ADM2: variants seen among roughly 807,000 people sequenced by gnomAD.
The protein encoded by ADM2 is adrenomedullin 2.
Under a neutral mutation model 7.1 loss-of-function variants are expected in ADM2, and 5 were observed. The ratio of observed to expected loss-of-function variants is 0.71; its 90% CI spans 0.37 to 1.49. The LOEUF (loss-of-function observed/expected upper bound fraction) is 1.49. Ranked by LOEUF, ADM2 falls within the 40% of genes most tolerant of loss-of-function variation. The pLI, the probability that ADM2 is intolerant of heterozygous loss-of-function variation, is 0.03. For missense variants in ADM2, 236 were observed against 211.2 expected, an observed-to-expected ratio of 1.12 and a Z score of -0.73; for synonymous variants, 123 against 92.8, an observed-to-expected ratio of 1.33 and a Z score of -1.87.
chr22:50,482,742 TCGGGCCCCC>T lies in ADM2; in HGVS notation c.287_295del (p.Ser96_Arg99delinsCys). ...CCAACACTCGGGCCCCCGAAGACAC[TCGGGCCCCC>T]GCAGGACCCAAGCCCAGCTCCTGCG... On this transcript the variant is annotated inframe_deletion, in exon 3 of 3. Transcript: ENST00000395737. The T allele has an allele frequency of 1.3e-6, 2 of 1,484,360 alleles. No homozygotes were observed. The highest frequency in any genetic ancestry group is 9.2e-7 in the Non-Finnish European group (1 of 1,083,734). 91.9% of individuals were successfully genotyped at this position (1,484,360 alleles called of 1,614,324 possible). A position where few individuals can be genotyped will look rare whatever the true frequency, so the allele number is the denominator to read the frequency against.
chr22:50,482,942 G>A lies in ADM2; in HGVS notation c.*39G>A. The A allele has an allele frequency of 6.4e-7, 1 of 1,551,232 alleles. No homozygotes were observed. The highest frequency in any genetic ancestry group is 1.2e-5 in the South Asian group (1 of 85,244). On this transcript the variant is annotated 3_prime_UTR_variant, in exon 3 of 3. Coordinates refer to ENST00000395737, the MANE Select transcript of ADM2 (RefSeq NM_001253845.2). The stretch of plus-strand genomic sequence containing the variant: ...CACACCCCTGCCCATCCCAGCCAGG[G>A]TGCTGTGCCCCCGTCCAGAGCTGCA...
At position 50,481,913 on chromosome 22, in the gene ADM2, G is replaced by T. The variant is rs771579421; in HGVS notation, c.66G>T (p.Ser22=). The T allele has an allele frequency of 1.3e-6, 2 of 1,533,242 alleles. No individual in the cohort carries two copies. The highest frequency in any genetic ancestry group is 8.8e-7 in the Non-Finnish European group (1 of 1,142,310). 95.0% of individuals were successfully genotyped at this position (1,533,242 alleles called of 1,614,324 possible). The change falls in exon 2 of 3, where the codon TCG becomes TCT. Residue 22 remains serine (S), a synonymous_variant. Transcript: ENST00000395737. ...TCCTCTGCCTGCAGCTCCCTGGCTC[G>T]CTGTCCCGCAGCCTGGGCGGGGACC... ...ISLLCLQLPG[S]LSRSLGGDPR...
rs1382421067 is a variant in ADM2 at position 50,483,146 on chromosome 22, G to A, written c.*243G>A. 5.6e-6 allele frequency: 4 copies of A among 717,826 alleles called. No individual in the cohort carries two copies. The Admixed American group carries it at 6.1e-5, about 11-fold the overall frequency. 44.5% of individuals were successfully genotyped at this position (717,826 alleles called of 1,614,324 possible). A position where few individuals can be genotyped will look rare whatever the true frequency, so the allele number is the denominator to read the frequency against. On this transcript the variant is annotated 3_prime_UTR_variant, in exon 3 of 3. Transcript: ENST00000395737. ...TGGGGGACAGCTGCCAGACACAGCT[G>A]GCGGCAGCACCAGATGCTAAGCGCT...
Position 50,482,939 on chromosome 22 carries a change from A to G in ADM2, c.*36A>G. 6.4e-7 allele frequency: 1 copy of G among 1,553,350 alleles called. No individual in the cohort carries two copies. Among genetic ancestry groups the G allele is most frequent in the Non-Finnish European group, 8.7e-7 (1 of 1,154,976 alleles). On this transcript the variant is annotated 3_prime_UTR_variant, in exon 3 of 3. Coordinates refer to ENST00000395737, the MANE Select transcript of ADM2 (RefSeq NM_001253845.2). Reference sequence around the variant, plus strand: ...GGCCACACCCCTGCCCATCCCAGCCAGGGTGCTGTGCCCCCGTCCAGAGCT... The same window carrying G: ...GGCCACACCCCTGCCCATCCCAGCCGGGGTGCTGTGCCCCCGTCCAGAGCT...
rs750905960 is a variant in ADM2 at position 50,485,875 on chromosome 22, C to T, written c.*2972C>T. 6.5e-6 allele frequency: 1 copy of T among 152,848 alleles called. No homozygotes were observed. Among genetic ancestry groups the T allele is most frequent in the Admixed American group, 6.5e-5 (1 of 15,278 alleles). 9.5% of individuals were successfully genotyped at this position (152,848 alleles called of 1,614,324 possible). A position where few individuals can be genotyped will look rare whatever the true frequency, so the allele number is the denominator to read the frequency against. ...GCACCCCACTGCCCTCTCTCCTGCC[C>T]CAGCCGACTGCTGTTCCCAGACTTC... On this transcript the variant is annotated 3_prime_UTR_variant, in exon 3 of 3. Coordinates refer to ENST00000395737, the MANE Select transcript of ADM2 (RefSeq NM_001253845.2).
intron 2 of ADM2, among the ~76,000 whole-genome samples, chr22:50,482,190 C>G (rs1198951551): frequency 6.6e-6 from 1 of 152,224 alleles, no homozygotes; most frequent in Non-Finnish European, 1.5e-5. Flanking sequence ...ACAGCAGCCC[C>G]TCTTCTGGGG....
At position 50,482,719 on chromosome 22, in the gene ADM2, A is replaced by G; in HGVS notation, c.263A>G (p.Gln88Arg). The change falls in exon 3 of 3, where the codon CAA becomes CGA. Residue 88 changes from glutamine (Q) to arginine (R), a missense_variant. Gln to Arg is a conservative substitution (Grantham distance 43). Transcript: ENST00000395737. Reference sequence around the variant, plus strand: ...CAGCCTCTCCGGGATGGTGGCCGCCAACACTCGGGCCCCCGAAGACACTCG... The same window carrying G: ...CAGCCTCTCCGGGATGGTGGCCGCCGACACTCGGGCCCCCGAAGACACTCG... Reference protein sequence around the residue: ...MGQPLRDGGRQHSGPRRHSGP... With the variant: ...MGQPLRDGGRRHSGPRRHSGP... 1 of 1,605,406 alleles carries G rather than the reference A, an allele frequency of 6.2e-7. No homozygotes were observed. The highest frequency in any genetic ancestry group is 8.5e-7 in the Non-Finnish European group (1 of 1,176,100).
At position 50,482,590 on chromosome 22, in the gene ADM2, C is replaced by T; in HGVS notation, c.134C>T (p.Ser45Phe). The T allele has an allele frequency of 6.8e-7, 1 of 1,471,908 alleles. No individual in the cohort carries two copies. The highest frequency in any genetic ancestry group is 9.0e-7 in the Non-Finnish European group (1 of 1,110,004). The allele number at this position is 1,471,908 out of a possible 1,614,324, so 91.2% of individuals were successfully genotyped here. A position where few individuals can be genotyped will look rare whatever the true frequency, so the allele number is the denominator to read the frequency against. The stretch of plus-strand genomic sequence containing the variant: ...AGGGAGCCCCCAGCCCGGAGCCCTT[C>T]CAGCAGCCTGCAGCCCAGGCACCCC... ...KPREPPARSP[S>F]SSLQPRHPAP... Residue 45 changes from serine to phenylalanine, a missense_variant, in exon 3 of 3, where the codon TCC becomes TTC. Transcript: ENST00000395737.
Position 50,482,734 on chromosome 22 carries a change from G to GC in ADM2, c.278_279insC (p.Arg94LysfsTer83), listed in dbSNP as rs1569515959. ...GGTGGCCGCCAACACTCGGGCCCCC[G>GC]AAGACACTCGGGCCCCCGCAGGACC... On this transcript the variant is annotated frameshift_variant, in exon 3 of 3. Coordinates refer to ENST00000395737, the MANE Select transcript of ADM2 (RefSeq NM_001253845.2). LOFTEE classifies it high-confidence loss of function. 1 of 1,281,160 alleles carries GC rather than the reference G, an allele frequency of 7.8e-7. No homozygotes were observed. The highest frequency in any genetic ancestry group is 1.1e-6 in the Non-Finnish European group (1 of 944,236). 79.4% of individuals were successfully genotyped at this position (1,281,160 alleles called of 1,614,324 possible).
Position 50,483,202 on chromosome 22 carries a change from G to A in ADM2, c.*299G>A, listed in dbSNP as rs1310122111. On this transcript the variant is annotated 3_prime_UTR_variant, in exon 3 of 3. Coordinates refer to ENST00000395737, the MANE Select transcript of ADM2 (RefSeq NM_001253845.2). ...GAGGAGGTGTCTGCCCAGAGATGTGGAGCAGAAGCTGGGCCCTGAACACAC... is the reference window on the plus strand; with the variant it reads ...GAGGAGGTGTCTGCCCAGAGATGTGAAGCAGAAGCTGGGCCCTGAACACAC... The A allele has an allele frequency of 3.3e-6, 2 of 615,222 alleles. No individual in the cohort carries two copies. Among genetic ancestry groups the A allele is most frequent in the Non-Finnish European group, 6.1e-6 (2 of 329,274 alleles). The allele number at this position is 615,222 out of a possible 1,614,324, so 38.1% of individuals were successfully genotyped here.
chr22:50,484,432 G>A lies in ADM2; in HGVS notation c.*1529G>A, dbSNP rs1020752703. ...AGGAGCTGGGAGTGCCAAGGCCCCA[G>A]GTGCACAGGAGGCGTGGCTGCTGAG... On this transcript the variant is annotated 3_prime_UTR_variant, in exon 3 of 3. Coordinates refer to ENST00000395737, the MANE Select transcript of ADM2 (RefSeq NM_001253845.2). 6.6e-6 allele frequency: 1 copy of A among 152,648 alleles called. No homozygotes were observed. Among genetic ancestry groups the A allele is most frequent in the Non-Finnish European group, 1.5e-5 (1 of 68,356 alleles). 9.5% of individuals were successfully genotyped at this position (152,648 alleles called of 1,614,324 possible).
At chr22:50,481,995 C>CCCGCAGGGAAGCAGAGTG (rs1276176683) in intron 2 of ADM2, 38 bp downstream of exon 2, 1 of 1,513,532 alleles carries the variant, frequency 6.6e-7, no homozygotes, top group Admixed American at 2.0e-5. Context: ...CCCTCTGGCC[C>CCCGCAGGGAAGCAGAGTG]CCGCAGGGAA....
Position 50,484,688 on chromosome 22 carries a change from TG to T in ADM2, c.*1789del. On this transcript the variant is annotated 3_prime_UTR_variant, in exon 3 of 3. Transcript: ENST00000395737. ...GCAAAGTCCAGCTTGGCACCCCGTC[TG>T]GGGCCTGCCTGTGGTCAGGGCCAAG... The T allele has an allele frequency of 6.6e-6, 1 of 152,530 alleles. No homozygotes were observed. Among genetic ancestry groups the T allele is most frequent in the Non-Finnish European group, 1.5e-5 (1 of 68,214 alleles). The allele number at this position is 152,530 out of a possible 1,614,324, so 9.4% of individuals were successfully genotyped here.
Position 50,484,342 on chromosome 22 carries a change from G to A in ADM2, c.*1439G>A, listed in dbSNP as rs35576574. On this transcript the variant is annotated 3_prime_UTR_variant, in exon 3 of 3. Transcript: ENST00000395737. ...TGGGCCGCACAGCGAGGCAGTCAAGGCCAGCTCCCTGGGAGAAGCACTGGG... is the reference window on the plus strand; with the variant it reads ...TGGGCCGCACAGCGAGGCAGTCAAGACCAGCTCCCTGGGAGAAGCACTGGG... 3.1e-3 allele frequency: 478 copies of A among 152,746 alleles called. 1 individual carries two copies. The highest frequency in any genetic ancestry group is 0.02 in the South Asian group (97 of 4,832). The allele number at this position is 152,746 out of a possible 1,614,324, so 9.5% of individuals were successfully genotyped here.
rs1442192493 is a variant in ADM2 at position 50,485,427 on chromosome 22, C to G, written c.*2524C>G. 1 of 152,758 alleles carries G rather than the reference C, an allele frequency of 6.5e-6. No individual in the cohort carries two copies. The highest frequency in any genetic ancestry group is 1.5e-5 in the Non-Finnish European group (1 of 68,458). 9.5% of individuals were successfully genotyped at this position (152,758 alleles called of 1,614,324 possible). On this transcript the variant is annotated 3_prime_UTR_variant, in exon 3 of 3. Coordinates refer to ENST00000395737, the MANE Select transcript of ADM2 (RefSeq NM_001253845.2). ...CCACCTCCTGAACCTATCCAGACACCTTCTCCTGACCCAGGCACCACCTGC... is the reference window on the plus strand; with the variant it reads ...CCACCTCCTGAACCTATCCAGACACGTTCTCCTGACCCAGGCACCACCTGC...
Position 50,484,857 on chromosome 22 carries a change from C to A in ADM2, c.*1954C>A, listed in dbSNP as rs936632723. 8 of 151,504 alleles carry A rather than the reference C, an allele frequency of 5.3e-5. No homozygotes were observed. Among genetic ancestry groups the A allele is most frequent in the Admixed American group, 4.6e-4 (7 of 15,204 alleles). The allele number at this position is 151,504 out of a possible 1,614,324, so 9.4% of individuals were successfully genotyped here. The stretch of plus-strand genomic sequence containing the variant: ...GGAGGCCCAGCAGCACCTGCACCCA[C>A]TTCCAGCTGCTCTGGCCAAAATCTC... On this transcript the variant is annotated 3_prime_UTR_variant, in exon 3 of 3. Transcript: ENST00000395737.
At chr22:50,482,474 G>C in intron 2 of ADM2, 93 bp from the exon 3 acceptor site, 1 of 1,414,210 alleles carries the variant, frequency 7.1e-7, no homozygotes, top group Non-Finnish European at 9.2e-7. Flanking sequence ...TCCCCTGGCA[G>C]TGACCCAGGC....
In ADM2 at chr22:50,483,379, C is replaced by A; in HGVS notation, c.*476C>A. ...CCCTTCCACGTGCCTGCCTGTGGGA[C>A]AGGAGGGGGAGCGTGGGATGCTGTA... On this transcript the variant is annotated 3_prime_UTR_variant, in exon 3 of 3. Transcript: ENST00000395737. 2.3e-6 allele frequency: 1 copy of A among 426,210 alleles called. No individual in the cohort carries two copies. The highest frequency in any genetic ancestry group is 4.9e-6 in the Non-Finnish European group (1 of 205,854). The allele number at this position is 426,210 out of a possible 1,614,324, so 26.4% of individuals were successfully genotyped here.
rs527654562 is a variant in ADM2, at chr22:50,485,353, A to G, written c.*2450A>G. 3.3e-5 allele frequency: 5 copies of G among 152,438 alleles called. No individual in the cohort carries two copies. Among genetic ancestry groups the G allele is most frequent in the Admixed American group, 2.6e-4 (4 of 15,292 alleles). 9.4% of individuals were successfully genotyped at this position (152,438 alleles called of 1,614,324 possible). On this transcript the variant is annotated 3_prime_UTR_variant, in exon 3 of 3. Transcript: ENST00000395737. ...CAGAGCAAGACTCCGTTTCAAAAAA[A>G]AAAAACCTCCTCTCTTCCTTCACAC...
Sources: gnomAD v4.1 joint callset for allele counts (sites outside exome capture counted in the v4.1 genomes callset) on GRCh38, gnomAD v4.1.1 for gene constraint, MANE v1.5 for transcripts, NCBI Gene and HGNC (gene_info 2026-07-23, HGNC 2026-07-21) for gene names.